The following ZNHIT6 variants were observed in gnomAD, a reference collection of about 807,000 sequenced individuals.
The protein encoded by ZNHIT6 is box C/D snoRNA protein 1.
ZNHIT6 carries 45 observed loss-of-function variants against 57.2 expected under a neutral mutation model. The observed-to-expected ratio is 0.79, with a 90% CI of 0.62 to 1.01. The LOEUF is 1.01. ZNHIT6 is among the 50% of genes least tolerant of loss of function. The probability of loss-of-function intolerance (pLI) is 0.00; values close to 1 mark genes in which losing one functional copy is unlikely to be tolerated. For synonymous variants in ZNHIT6, 188 were observed against 190.0 expected (o/e 0.99, Z 0.09); for missense variants, 528 against 567.3 (o/e 0.93, Z 0.70).
At chr1:85,690,178 C>A (rs1477141105) in intron 5 of ZNHIT6, among the ~76,000 whole-genome samples, 2 of 152,032 alleles carry the variant, frequency 1.3e-5, no homozygotes, top group Non-Finnish European at 2.9e-5. Context: ...CTATAAAGAT[C>A]CACATTCAGA....
intron 1 of ZNHIT6, 136 bp downstream of exon 1, chr1:85,707,493 C>T: frequency 2.2e-6 from 2 of 920,926 alleles, no homozygotes; most frequent in South Asian, 2.0e-5. Context: ...CCCCCGCGAA[C>T]GCCGTCTGAC....
chr1:85,667,533 T>C (rs969232489), intron 8 of ZNHIT6, among the ~76,000 whole-genome samples: 87 of 152,092 alleles, frequency 5.7e-4, no homozygotes, highest in African/African-American at 2.1e-3. Flanking sequence ...TTATGGTGTA[T>C]TGTGAATATT....
chr1:85,667,962 A>AAAAAAAAAAAAATG (rs1553155846), intron 8 of ZNHIT6, among the ~76,000 whole-genome samples: 2 of 22,026 alleles, frequency 9.1e-5, no homozygotes, highest in East Asian at 2.8e-3. Context: ...AAAAAAAAAA[A>AAAAAAAAAAAAATG]TATATATATA....
chr1:85,688,805 G>A (rs958933863), intron 5 of ZNHIT6, among the ~76,000 whole-genome samples: 9 of 151,984 alleles, frequency 5.9e-5, no homozygotes, highest in Non-Finnish European at 1.0e-4. Flanking sequence ...AATATCCTAT[G>A]ACTATGAGGA....
intron 8 of ZNHIT6, among the ~76,000 whole-genome samples, chr1:85,671,190 G>C (rs1486863365): frequency 6.6e-6 from 1 of 152,132 alleles, no homozygotes; most frequent in East Asian, 1.9e-4. Flanking sequence ...ATCCAATTAT[G>C]TCAAAAGAAA....
chr1:85,670,007 C>T lies in ZNHIT6; in HGVS notation c.1247+7229G>A, dbSNP rs17128070. On this transcript the variant is annotated intron_variant, in intron 8 of 9. Transcript: ENST00000370574. ...CAGGTTCATGTATCAAAAAGCCTGA[C>T]CCTGAGCAGGTACTACACTTTCTGA... Among the ~76,000 whole-genome samples the T allele has an allele frequency of 9.4e-3, 1,430 of 152,220 alleles. 58 individuals are homozygous for T. Among genetic ancestry groups the T allele is most frequent in the Admixed American group, 0.063 (958 of 15,282 alleles).
intron 9 of ZNHIT6, 79 bp from the exon 10 acceptor site, chr1:85,654,177 C>T: frequency 8.0e-7 from 1 of 1,250,356 alleles, no homozygotes; most frequent in Middle Eastern, 1.9e-4. Context: ...TCTCTCCCTC[C>T]TTCTGATGTA....
At chr1:85,705,289 CT>C (rs1374542058) in intron 4 of ZNHIT6, among the ~76,000 whole-genome samples, 6 of 152,094 alleles carry the variant, frequency 3.9e-5, no homozygotes, top group Non-Finnish European at 7.4e-5. Flanking sequence ...TCATGGCTCA[CT>C]GCAGCCTTGA....
chr1:85,695,317 A>G (rs1662335455), intron 5 of ZNHIT6, among the ~76,000 whole-genome samples: 1 of 152,194 alleles, frequency 6.6e-6, no homozygotes, highest in Non-Finnish European at 1.5e-5. Flanking sequence ...CTGAAAAAGC[A>G]TATTTTTATG....
intron 8 of ZNHIT6, among the ~76,000 whole-genome samples, chr1:85,670,474 C>T (rs1661529046): frequency 6.6e-6 from 1 of 152,038 alleles, no homozygotes; most frequent in African/African-American, 2.4e-5. Flanking sequence ...TGAATTAGCA[C>T]ACTGATTAAA....
rs1661857347 is a variant in ZNHIT6 at position 85,680,900 on chromosome 1, G to A, written c.1024C>T (p.Gln342Ter). 1.2e-6 allele frequency: 2 copies of A among 1,610,828 alleles called. No individual in the cohort carries two copies. The highest frequency in any genetic ancestry group is 8.5e-7 in the Non-Finnish European group (1 of 1,178,266). The change falls in exon 6 of 10, where the codon CAA becomes TAA. Residue 342 changes from glutamine (Q) to a stop codon, truncating the protein, a stop_gained. Transcript: ENST00000370574. LOFTEE classifies it high-confidence loss of function. ...ENSTFFDKKK[Q>*]QFCWHVKLQF... The stretch of plus-strand genomic sequence containing the variant: ...AGCTTCACATGCCAACAAAACTGTT[G>A]TTTTCTAAGAGAGAAAATAATCATG...
intron 8 of ZNHIT6, among the ~76,000 whole-genome samples, chr1:85,667,631 A>G: frequency 7.0e-6 from 1 of 143,136 alleles, no homozygotes; most frequent in South Asian, 2.2e-4. Flanking sequence ...CATCCATTAA[A>G]AAAAAAAAAA....
chr1:85,707,906 C>T lies in ZNHIT6; in HGVS notation c.379G>A (p.Val127Ile), dbSNP rs750235823. The T allele has an allele frequency of 6.2e-7, 1 of 1,608,102 alleles. No homozygotes were observed. The highest frequency in any genetic ancestry group is 2.3e-5 in the East Asian group (1 of 44,244). ...VKQETDSSLV[V>I]KEAKVGEPEV... ...GGTTCACCCACCTTCGCTTCTTTTACCACTAAACTACTATCCGTCTCCTGC... is the reference window on the plus strand; with the variant it reads ...GGTTCACCCACCTTCGCTTCTTTTATCACTAAACTACTATCCGTCTCCTGC... The change falls in exon 1 of 10, where the codon GTA becomes ATA. Residue 127 changes from valine to isoleucine, a missense_variant. By Grantham distance (29) the Val-to-Ile change is conservative (BLOSUM62 3). Transcript: ENST00000370574.
chr1:85,681,353 G>T (rs1392859992), intron 5 of ZNHIT6, among the ~76,000 whole-genome samples: 1 of 152,190 alleles, frequency 6.6e-6, no homozygotes, highest in African/African-American at 2.4e-5. Context: ...TGGTTGCTAA[G>T]CAGAATGCAC....
In ZNHIT6 at chr1:85,654,038, T is replaced by A. The variant is rs376048550; in HGVS notation, c.*20A>T. Reference sequence around the variant, plus strand: ...TGCAGTTGTCTGGAAGTTTTCACTTTCTTCTTCCAGAAAAAATGCTCAATT... The same window carrying A: ...TGCAGTTGTCTGGAAGTTTTCACTTACTTCTTCCAGAAAAAATGCTCAATT... On this transcript the variant is annotated 3_prime_UTR_variant, in exon 10 of 10. Transcript: ENST00000370574. The A allele has an allele frequency of 7.5e-6, 12 of 1,610,400 alleles. No individual in the cohort carries two copies.
At chr1:85,693,496 G>A (rs961345895) in intron 5 of ZNHIT6, among the ~76,000 whole-genome samples, 1 of 152,156 alleles carries the variant, frequency 6.6e-6, no homozygotes, top group Non-Finnish European at 1.5e-5. Flanking sequence ...GGACAATATA[G>A]CTGAACAAGT....
intron 8 of ZNHIT6, among the ~76,000 whole-genome samples, chr1:85,659,121 G>T (rs1400556922): frequency 6.6e-6 from 1 of 152,014 alleles, no homozygotes; most frequent in Admixed American, 6.6e-5. Flanking sequence ...TAAAATTTAA[G>T]AAATACAGAG....
rs1260619219 is a variant in ZNHIT6 at position 85,680,887 on chromosome 1, C to T, written c.1037G>A (p.Trp346Ter). 1 of 1,612,048 alleles carries T rather than the reference C, an allele frequency of 6.2e-7. No homozygotes were observed. The highest frequency in any genetic ancestry group is 8.5e-7 in the Non-Finnish European group (1 of 1,179,044). The part of the protein sequence containing the change: ...FFDKKKQQFC[W>*]HVKLQFPQSQ... ...TTGAGGAAACTGGAGCTTCACATGC[C>T]AACAAAACTGTTGTTTTCTAAGAGA... The change falls in exon 6 of 10, where the codon TGG becomes TAG. Residue 346 changes from tryptophan to a stop codon, truncating the protein, a stop_gained. Transcript: ENST00000370574. LOFTEE classifies it high-confidence loss of function.
At chr1:85,685,712 C>T (rs1169877174) in intron 5 of ZNHIT6, among the ~76,000 whole-genome samples, 1 of 151,912 alleles carries the variant, frequency 6.6e-6, no homozygotes, top group Non-Finnish European at 1.5e-5. Context: ...CAAGTAGCTA[C>T]CACAGCTGGC....
Sources: allele counts gnomAD v4.1 joint callset (sites outside exome capture counted in the v4.1 genomes callset), GRCh38; gene constraint gnomAD v4.1.1; transcripts MANE v1.5; gene names NCBI Gene and HGNC (gene_info 2026-07-23, HGNC 2026-07-21).